LSAMP: variants seen among roughly 807,000 people sequenced by gnomAD.
LSAMP encodes limbic system-associated membrane protein.
Under a neutral mutation model 38.6 loss-of-function variants are expected in LSAMP, and 7 were observed. The observed-to-expected ratio is 0.18, with a 90% CI of 0.10 to 0.34. The LOEUF (loss-of-function observed/expected upper bound fraction) is 0.34. Ranked by LOEUF, LSAMP falls within the 10% of genes least tolerant of loss-of-function variation. LSAMP has a pLI of 1.00. For missense variants in LSAMP, 313 were observed against 420.0 expected (o/e 0.75, Z 2.23); for synonymous variants, 154 against 166.8 (o/e 0.92, Z 0.59).
At chr3:115,836,566 G>T (rs190639380) in intron 6 of LSAMP, among the ~76,000 whole-genome samples, 2 of 152,148 alleles carry the variant, frequency 1.3e-5, no homozygotes, top group African/African-American at 4.8e-5. Context: ...GAACTATAAG[G>T]TTGGCCCTAT....
rs186454576 is a variant in LSAMP, at chr3:115,893,588, A to G, written c.515-40971T>C. The stretch of plus-strand genomic sequence containing the variant: ...AATTTTAACATACAATTTTTGATCA[A>G]TCATAGTAGAGAAAAATTGAGTTGT... On this transcript the variant is annotated intron_variant, in intron 3 of 6. Coordinates refer to ENST00000490035, the MANE Select transcript of LSAMP (RefSeq NM_002338.5). Among the ~76,000 whole-genome samples, 162 of 151,852 alleles carry G rather than the reference A, an allele frequency of 1.1e-3. 1 individual carries two copies. Among genetic ancestry groups the G allele is most frequent in the African/African-American group, 3.8e-3 (157 of 41,280 alleles).
chr3:116,129,167 T>C (rs113126620), intron 1 of LSAMP, among the ~76,000 whole-genome samples: 3 of 149,464 alleles, frequency 2.0e-5, no homozygotes, highest in African/African-American at 7.7e-5. Flanking sequence ...GGAGTGTTAA[T>C]AAAAACTTTT....
intron 1 of LSAMP, among the ~76,000 whole-genome samples, chr3:116,370,881 A>C (rs1462553643): frequency 6.6e-6 from 1 of 152,230 alleles, no homozygotes; most frequent in Non-Finnish European, 1.5e-5. Context: ...CCGAAATCTG[A>C]AATAGAAGTG....
chr3:116,188,666 G>T (rs538393129), intron 1 of LSAMP, among the ~76,000 whole-genome samples: 90 of 152,268 alleles, frequency 5.9e-4, no homozygotes, highest in African/African-American at 2.1e-3. Flanking sequence ...CCTGGGAAAC[G>T]GGATAAGAAT....
intron 1 of LSAMP, among the ~76,000 whole-genome samples, chr3:116,324,776 G>A (rs1020629214): frequency 6.6e-6 from 1 of 152,118 alleles, no homozygotes; most frequent in Non-Finnish European, 1.5e-5. Flanking sequence ...ACAACAACCA[G>A]TGTATCTTGT....
intron 6 of LSAMP, among the ~76,000 whole-genome samples, chr3:115,826,920 C>T (rs933250185): frequency 8.1e-5 from 12 of 148,176 alleles, no homozygotes; most frequent in South Asian, 2.1e-4. Flanking sequence ...GATCTCCCAA[C>T]GGAAGACCAG....
At chr3:116,344,914 T>G (rs571690971) in intron 1 of LSAMP, among the ~76,000 whole-genome samples, 3 of 152,324 alleles carry the variant, frequency 2.0e-5, no homozygotes, top group Admixed American at 1.3e-4. Flanking sequence ...GATTTCTATA[T>G]TATTCACGGT....
At chr3:115,966,123 G>C (rs4373060) in intron 3 of LSAMP, among the ~76,000 whole-genome samples, 2 of 152,020 alleles carry the variant, frequency 1.3e-5, no homozygotes, top group African/African-American at 4.8e-5. Context: ...GAAAATAAAA[G>C]TGTTCTGTAC....
chr3:116,293,175 A>G (rs911224782), intron 1 of LSAMP, among the ~76,000 whole-genome samples: 2 of 152,058 alleles, frequency 1.3e-5, no homozygotes, highest in Non-Finnish European at 1.5e-5. Context: ...TACCAAGGTG[A>G]TTTCTATTTC....
At chr3:115,902,522 C>G (rs1936902298) in intron 3 of LSAMP, among the ~76,000 whole-genome samples, 1 of 151,946 alleles carries the variant, frequency 6.6e-6, no homozygotes, top group South Asian at 2.1e-4. Context: ...AGCTTCTGCA[C>G]AGCAAAAGAA....
chr3:116,332,396 T>C (rs981218966), intron 1 of LSAMP, among the ~76,000 whole-genome samples: 15 of 152,142 alleles, frequency 9.9e-5, no homozygotes, highest in African/African-American at 3.4e-4. Context: ...TGTATGTCGC[T>C]GAAGTTAAAC....
chr3:115,857,430 A>C (rs1293866627), intron 3 of LSAMP, among the ~76,000 whole-genome samples: 2 of 152,234 alleles, frequency 1.3e-5, no homozygotes, highest in African/African-American at 4.8e-5. Flanking sequence ...AAATGGACAC[A>C]AAACCTATGG....
intron 1 of LSAMP, among the ~76,000 whole-genome samples, chr3:116,336,540 C>G (rs1247829154): frequency 2.6e-5 from 4 of 151,922 alleles, no homozygotes; most frequent in Non-Finnish European, 5.9e-5. Flanking sequence ...CAAATAAAAA[C>G]TACAATGAGA....
At chr3:116,168,946 A>G (rs1367396269) in intron 1 of LSAMP, among the ~76,000 whole-genome samples, 1 of 152,212 alleles carries the variant, frequency 6.6e-6, no homozygotes, top group African/African-American at 2.4e-5. Context: ...CATGCCTGTA[A>G]TACCAGTACC....
At chr3:116,332,706 G>C (rs1002177044) in intron 1 of LSAMP, among the ~76,000 whole-genome samples, 2 of 152,000 alleles carry the variant, frequency 1.3e-5, no homozygotes, top group African/African-American at 4.8e-5. Context: ...TTAGTAGAAT[G>C]CATAAAAATA....
chr3:116,309,284 A>G (rs551676035), intron 1 of LSAMP, among the ~76,000 whole-genome samples: 1 of 152,194 alleles, frequency 6.6e-6, no homozygotes, highest in South Asian at 2.1e-4. Context: ...ATTACCAAGT[A>G]TAATCTGGTA....
intron 1 of LSAMP, among the ~76,000 whole-genome samples, chr3:116,209,744 A>T (rs879712730): frequency 7.3e-5 from 11 of 151,264 alleles, no homozygotes; most frequent in Non-Finnish European, 1.0e-4. Flanking sequence ...TTTATTTATT[A>T]TTTATTTATT....
intron 1 of LSAMP, among the ~76,000 whole-genome samples, chr3:116,217,978 T>C (rs1320972756): frequency 2.0e-5 from 3 of 152,166 alleles, no homozygotes; most frequent in African/African-American, 7.2e-5. Context: ...ATTTTTAAAC[T>C]TGGTATAAAG....
intron 1 of LSAMP, among the ~76,000 whole-genome samples, chr3:116,115,890 C>T (rs926589175): frequency 2.0e-5 from 3 of 151,822 alleles, no homozygotes; most frequent in African/African-American, 7.3e-5. Flanking sequence ...CTCCTTATCC[C>T]ATTATTCTGA....
Sources: gnomAD v4.1 joint callset for allele counts (sites outside exome capture counted in the v4.1 genomes callset) on GRCh38, gnomAD v4.1.1 for gene constraint, MANE v1.5 for transcripts, NCBI Gene and HGNC (gene_info 2026-07-23, HGNC 2026-07-21) for gene names.